The following ATAD2B variants were observed in gnomAD, a reference collection of about 807,000 sequenced individuals.
ATAD2B encodes ATPase family AAA domain containing 2B, also known as ATPase family AAA domain-containing protein 2B.
ATAD2B carries 40 observed loss-of-function variants against 167.6 expected under a neutral mutation model. That is an observed-to-expected ratio of 0.24 (90% CI 0.19 to 0.31). The LOEUF (loss-of-function observed/expected upper bound fraction) is 0.31, where lower values mean the gene tolerates loss of function less well. ATAD2B is among the 10% of genes least tolerant of loss of function. The pLI is 1.00. For synonymous variants in ATAD2B, 579 were observed against 596.5 expected (o/e 0.97, Z 0.43); for missense variants, 1,242 against 1,757.2 (o/e 0.71, Z 5.24).
At chr2:23,832,303 A>T (rs928757466) in intron 14 of ATAD2B, 20 of 458,588 alleles carry the variant, frequency 4.4e-5, no homozygotes, top group African/African-American at 3.8e-4. Context: ...CAGCCAGCAT[A>T]GGCCTTTCCA....
the ATAD2B span, chr2:23,695,482 A>G: frequency 1.5e-6 from 1 of 654,280 alleles, no homozygotes; most frequent in Non-Finnish European, 2.6e-6. The surrounding 1 kb of genome is among the most constrained non-coding windows in gnomAD (Gnocchi z 7.6). Context: ...ACCTCTGTCT[A>G]GGCTAGCAGA....
the ATAD2B span, among the ~76,000 whole-genome samples, chr2:23,729,808 A>G: frequency 0.08 from 12,158 of 152,316 alleles, 612 homozygotes; most frequent in South Asian, 0.13. Flanking sequence ...GGGATAAAGA[A>G]TATTACATGA....
At chr2:23,698,400 C>G in the ATAD2B span, among the ~76,000 whole-genome samples, 6 of 152,254 alleles carry the variant, frequency 3.9e-5, no homozygotes, top group South Asian at 2.1e-4. Flanking sequence ...AGCTAGACCC[C>G]CTTCGGGTAG....
intron 2 of ATAD2B, among the ~76,000 whole-genome samples, chr2:23,891,068 T>C (rs1404170980): frequency 2.7e-5 from 4 of 150,918 alleles, no homozygotes; most frequent in African/African-American, 9.8e-5. Flanking sequence ...CCACCCAGGC[T>C]GGAGTGCAGT....
In ATAD2B at chr2:23,872,676, C is replaced by T. The variant is rs557314491; in HGVS notation, c.978-2915G>A. 31 of 1,340,354 alleles carry T rather than the reference C, an allele frequency of 2.3e-5. No individual in the cohort carries two copies. In the African/African-American group the frequency reaches 4.0e-4, roughly 17 times the overall value. The allele number at this position is 1,340,354 out of a possible 1,614,324, so 83.0% of individuals were successfully genotyped here. A position where few individuals can be genotyped will look rare whatever the true frequency, so the allele number is the denominator to read the frequency against. ...TCATAGGAGAGCCTCCAGATCTTCA[C>T]CTGGGCCTCACCATGCTTTGCAGCA... is the stretch of plus-strand genomic sequence containing the variant. On this transcript the variant is annotated intron_variant, in intron 8 of 27. Coordinates refer to ENST00000238789, the MANE Select transcript of ATAD2B (RefSeq NM_017552.4).
intron 25 of ATAD2B, among the ~76,000 whole-genome samples, chr2:23,757,017 C>T (rs1163655374): frequency 6.6e-6 from 1 of 152,104 alleles, no homozygotes; most frequent in African/African-American, 2.4e-5. Context: ...TATCATACTG[C>T]TATTATCACT....
Position 23,875,602 on chromosome 2 carries a change from T to A in ATAD2B, c.977+227A>T, listed in dbSNP as rs566050284. Among the ~76,000 whole-genome samples the A allele has an allele frequency of 5.9e-5, 9 of 151,876 alleles. No individual in the cohort carries two copies. The South Asian group carries it at 1.9e-3, about 32-fold the overall frequency. Reference sequence around the variant, plus strand: ...GATTAACTCGAATCAGTGCTTCAAATGAAAGCAATATGGGTCACCTTAGAT... The same window carrying A: ...GATTAACTCGAATCAGTGCTTCAAAAGAAAGCAATATGGGTCACCTTAGAT... On this transcript the variant is annotated intron_variant, in intron 8 of 27. Coordinates refer to ENST00000238789, the MANE Select transcript of ATAD2B (RefSeq NM_017552.4).
rs760682254 is a variant in ATAD2B at position 23,786,243 on chromosome 2, A to G, written c.2777-20T>C. ...AAAGAGCTAGAGAAAACAGAAGAAA[A>G]TGTTAAGATTCCAACGTCGTGGGCC... is the stretch of plus-strand genomic sequence containing the variant. On this transcript the variant is annotated intron_variant, in intron 20 of 27. Coordinates refer to ENST00000238789, the MANE Select transcript of ATAD2B (RefSeq NM_017552.4). 7.8e-6 allele frequency: 12 copies of G among 1,542,096 alleles called. No homozygotes were observed. Among genetic ancestry groups the G allele is most frequent in the African/African-American group, 1.4e-5 (1 of 72,420 alleles).
At chr2:23,696,300 G>A in the ATAD2B span, 23 of 1,547,526 alleles carry the variant, frequency 1.5e-5, no homozygotes, top group South Asian at 1.1e-4. The surrounding 1 kb of genome is among the most constrained non-coding windows in gnomAD (Gnocchi z 5.5). Context: ...TCCTCACCCC[G>A]CCCGCTCTCT....
At chr2:23,716,986 T>A in the ATAD2B span, among the ~76,000 whole-genome samples, 1 of 152,152 alleles carries the variant, frequency 6.6e-6, no homozygotes, top group Non-Finnish European at 1.5e-5. Context: ...CCAAAATAAC[T>A]TAGGAGGATG....
At chr2:23,911,712 T>G (rs559585563) in intron 1 of ATAD2B, among the ~76,000 whole-genome samples, 1 of 151,912 alleles carries the variant, frequency 6.6e-6, no homozygotes, top group African/African-American at 2.4e-5. Flanking sequence ...CAGTGACTCA[T>G]GCTTATAATC....
intron 12 of ATAD2B, among the ~76,000 whole-genome samples, chr2:23,859,708 G>T (rs1474956930): frequency 2.0e-5 from 3 of 152,112 alleles, no homozygotes; most frequent in African/African-American, 4.8e-5. Context: ...AGCACTTTGG[G>T]AGGTCGAGAC....
intron 24 of ATAD2B, among the ~76,000 whole-genome samples, chr2:23,761,431 T>G (rs911829389): frequency 6.6e-6 from 1 of 152,186 alleles, no homozygotes; most frequent in East Asian, 1.9e-4. Context: ...AGATATCTGA[T>G]TTTTGGATTA....
chr2:23,798,383 A>C, intron 18 of ATAD2B, 60 bp from the exon 19 acceptor site: 1 of 1,310,646 alleles, frequency 7.6e-7, no homozygotes, highest in Non-Finnish European at 1.0e-6. Context: ...AAGTCTACCC[A>C]GTAATCTCCA....
At chr2:23,776,318 C>T (rs965430272) in intron 22 of ATAD2B, among the ~76,000 whole-genome samples, 1 of 152,138 alleles carries the variant, frequency 6.6e-6, no homozygotes, top group Non-Finnish European at 1.5e-5. Context: ...TGGTTGGTCA[C>T]TAAGACCTCT....
At chr2:23,850,676 G>C (rs996388086) in intron 13 of ATAD2B, among the ~76,000 whole-genome samples, 2 of 152,130 alleles carry the variant, frequency 1.3e-5, no homozygotes, top group African/African-American at 2.4e-5. Flanking sequence ...AGAAGAGAAG[G>C]GGGGATGAAT....
At chr2:23,798,517 G>T (rs1682956976) in intron 18 of ATAD2B, among the ~76,000 whole-genome samples, 194 bp from the exon 19 acceptor site, 1 of 148,492 alleles carries the variant, frequency 6.7e-6, no homozygotes. Flanking sequence ...AAAAAAAAAA[G>T]TATGTTTTGC....
At chr2:23,823,139 A>T in intron 16 of ATAD2B, 119 bp downstream of exon 16, 1 of 876,870 alleles carries the variant, frequency 1.1e-6, no homozygotes, top group Non-Finnish European at 1.7e-6. Flanking sequence ...TGGAATATAT[A>T]GTACTGAATA....
At chr2:23,840,564 T>G (rs1005273986) in intron 13 of ATAD2B, among the ~76,000 whole-genome samples, 2 of 152,220 alleles carry the variant, frequency 1.3e-5, no homozygotes, top group African/African-American at 4.8e-5. Flanking sequence ...TGCTTTTTGT[T>G]ATTTTTCTGT....
Sources: gnomAD v4.1 joint callset for allele counts (sites outside exome capture counted in the v4.1 genomes callset) on GRCh38, gnomAD v4.1.1 for gene constraint, Gnocchi (gnomAD v3.1) non-coding constraint, MANE v1.5 for transcripts, NCBI Gene and HGNC (gene_info 2026-07-23, HGNC 2026-07-21) for gene names.